Variants in DLG2 observed in about 807,000 individuals in gnomAD.
DLG2 encodes disks large homolog 2.
Under a neutral mutation model 132.5 loss-of-function variants are expected in DLG2, and 45 were observed. That is an observed-to-expected ratio of 0.34 (90% CI 0.27 to 0.44). The LOEUF (loss-of-function observed/expected upper bound fraction) is 0.44, where lower values mean the gene tolerates loss of function less well. Among genes scored for constraint, DLG2 ranks in the 20% least tolerant of loss-of-function variants. The pLI is 1.00. For synonymous variants in DLG2, 424 were observed against 419.6 expected, an observed-to-expected ratio of 1.01 and a Z score of -0.13; for missense variants, 1,045 against 1,196.9, an observed-to-expected ratio of 0.87 and a Z score of 1.87.
intron 14 of DLG2, among the ~76,000 whole-genome samples, chr11:83,939,837 C>G (rs538726971): frequency 1.6e-4 from 25 of 152,302 alleles, no homozygotes; most frequent in Admixed American, 9.1e-4. Flanking sequence ...GGGGAACACT[C>G]TTATACCTTT....
intron 6 of DLG2, among the ~76,000 whole-genome samples, chr11:84,690,894 C>T (rs2153724615): frequency 6.6e-6 from 1 of 151,854 alleles, no homozygotes; most frequent in Middle Eastern, 3.4e-3. Flanking sequence ...TTGATAAGTG[C>T]CAGTGTAATT....
intron 8 of DLG2, among the ~76,000 whole-genome samples, chr11:84,234,447 C>A (rs185659185): frequency 6.6e-6 from 1 of 152,162 alleles, no homozygotes; most frequent in African/African-American, 2.4e-5. Context: ...AACGAAAGTG[C>A]GTTGGTTCAG....
chr11:83,726,732 A>T (rs1031794281), intron 18 of DLG2, among the ~76,000 whole-genome samples: 5 of 150,704 alleles, frequency 3.3e-5, no homozygotes, highest in Admixed American at 3.3e-4. Context: ...ACCCTGAGAG[A>T]CATCAGATCT....
intron 7 of DLG2, among the ~76,000 whole-genome samples, chr11:84,380,375 C>T (rs1465044813): frequency 6.6e-6 from 1 of 151,914 alleles, no homozygotes; most frequent in Non-Finnish European, 1.5e-5. Flanking sequence ...GTTCAAGCCT[C>T]AACAAATGTC....
rs570215151 is a variant in DLG2 at position 84,924,904 on chromosome 11, C to T, written c.357+186757G>A. Among the ~76,000 whole-genome samples the T allele has an allele frequency of 1.1e-4, 16 of 152,254 alleles. No individual in the cohort carries two copies. The South Asian group carries it at 1.5e-3, about 14-fold the overall frequency. ...TCTCATCATTCCACAACTTTTTCTA[C>T]GGACTTTAAATGCAAAACTGAGTAT... On this transcript the variant is annotated intron_variant, in intron 6 of 27. Coordinates refer to ENST00000376104, the MANE Select transcript of DLG2 (RefSeq NM_001142699.3).
intron 3 of DLG2, among the ~76,000 whole-genome samples, chr11:85,540,644 G>T (rs1404878808): frequency 6.6e-6 from 1 of 152,228 alleles, no homozygotes; most frequent in Non-Finnish European, 1.5e-5. Context: ...TTGTGATAAA[G>T]CAGAGGCTCT....
chr11:83,996,704 A>G (rs72947801), intron 11 of DLG2, among the ~76,000 whole-genome samples: 2,211 of 152,290 alleles, frequency 0.015, 27 homozygotes, highest in Non-Finnish European at 0.026. Context: ...GTTAAGTGAA[A>G]TAAGCAAGAG....
intron 18 of DLG2, among the ~76,000 whole-genome samples, chr11:83,734,000 T>A (rs1355948524): frequency 7.0e-6 from 1 of 142,642 alleles, no homozygotes; most frequent in Non-Finnish European, 1.5e-5. Flanking sequence ...TAGCTCCTAC[T>A]TATCAGTGAG....
At chr11:84,115,427 T>A (rs540065222) in intron 9 of DLG2, among the ~76,000 whole-genome samples, 1,873 of 152,220 alleles carry the variant, frequency 0.012, 34 homozygotes, top group African/African-American at 0.043. Flanking sequence ...CCCTTAGGAG[T>A]ATATTTGCTT....
At chr11:84,251,164 G>A (rs1212181755) in intron 8 of DLG2, 74 bp downstream of exon 8, 36 of 908,316 alleles carry the variant, frequency 4.0e-5, no homozygotes, top group Non-Finnish European at 4.1e-5. Flanking sequence ...AACTAAATGT[G>A]AATTGAATTT....
At chr11:84,244,340 C>A (rs112869488) in intron 8 of DLG2, among the ~76,000 whole-genome samples, 6,123 of 152,204 alleles carry the variant, frequency 0.04, 137 homozygotes, top group South Asian at 0.076. Flanking sequence ...CCCACCACCA[C>A]ACCTGGGTAA....
At chr11:83,862,073 A>T (rs2061545295) in intron 16 of DLG2, among the ~76,000 whole-genome samples, 2 of 152,218 alleles carry the variant, frequency 1.3e-5, no homozygotes, top group Admixed American at 6.5e-5. Context: ...TACATGATTC[A>T]GCAATCCCAC....
chr11:84,178,534 C>G (rs908357257), intron 8 of DLG2, among the ~76,000 whole-genome samples: 1 of 152,018 alleles, frequency 6.6e-6, no homozygotes, highest in Non-Finnish European at 1.5e-5. Context: ...AAGGCCTATT[C>G]GAAAATAAAA....
At chr11:85,124,801 T>A (rs349074) in intron 5 of DLG2, among the ~76,000 whole-genome samples, 21,450 of 151,884 alleles carry the variant, frequency 0.14, 1,741 homozygotes, top group East Asian at 0.34. Flanking sequence ...ATGAAAGATT[T>A]ATAATATTTT....
chr11:84,143,221 A>C (rs2094931753), intron 9 of DLG2, among the ~76,000 whole-genome samples: 1 of 152,196 alleles, frequency 6.6e-6, no homozygotes, highest in Admixed American at 6.6e-5. Context: ...CATGATGAGA[A>C]GAAAGCCTTG....
chr11:84,315,442 G>C (rs2098343491), intron 7 of DLG2, among the ~76,000 whole-genome samples: 1 of 152,138 alleles, frequency 6.6e-6, no homozygotes, highest in African/African-American at 2.4e-5. Flanking sequence ...AAGTAGGCTT[G>C]CTTCCTAGCC....
intron 6 of DLG2, among the ~76,000 whole-genome samples, chr11:84,599,070 C>T (rs916819004): frequency 6.6e-6 from 1 of 151,278 alleles, no homozygotes; most frequent in African/African-American, 2.4e-5. Context: ...CATGGTGAAA[C>T]CCCATCTCTA....
intron 6 of DLG2, among the ~76,000 whole-genome samples, chr11:84,656,163 C>T (rs2099687977): frequency 6.6e-6 from 1 of 152,160 alleles, no homozygotes. Context: ...TGTTGTTTCA[C>T]ATGGCATGCA....
At chr11:83,484,367 G>C (rs2093359578) in intron 21 of DLG2, 139 bp from the exon 22 acceptor site, 1 of 619,990 alleles carries the variant, frequency 1.6e-6, no homozygotes, top group Non-Finnish European at 2.8e-6. Flanking sequence ...GTGCCAGAGA[G>C]TTCTAAAGGT....
Sources: allele counts gnomAD v4.1 joint callset (sites outside exome capture counted in the v4.1 genomes callset), GRCh38; gene constraint gnomAD v4.1.1; transcripts MANE v1.5; gene names NCBI Gene and HGNC (gene_info 2026-07-23, HGNC 2026-07-21).